HDAC9: variants seen among roughly 807,000 people sequenced by gnomAD.
HDAC9 encodes MEF-2 interacting transcription repressor (MITR) protein.
HDAC9 carries 41 observed loss-of-function variants against 139.4 expected under a neutral mutation model. The observed-to-expected ratio is 0.29, with a 90% CI of 0.23 to 0.38. The LOEUF (loss-of-function observed/expected upper bound fraction) is 0.38. Among genes scored for constraint, HDAC9 ranks in the 10% least tolerant of loss-of-function variants. HDAC9 has a pLI of 1.00. For missense variants in HDAC9, 1,147 were observed against 1,297.0 expected (o/e 0.88, Z 1.78); for synonymous variants, 517 against 476.2 (o/e 1.09, Z -1.12).
At chr7:18,870,197 A>G (rs1798809779) in intron 21 of HDAC9, among the ~76,000 whole-genome samples, 1 of 152,162 alleles carries the variant, frequency 6.6e-6, no homozygotes, top group Non-Finnish European at 1.5e-5. Context: ...CAGATTTTAT[A>G]TGGCACTGCA....
intron 16 of HDAC9, among the ~76,000 whole-genome samples, chr7:18,770,869 G>A (rs1351485556): frequency 6.6e-6 from 1 of 152,192 alleles, no homozygotes; most frequent in Non-Finnish European, 1.5e-5. Context: ...AGATCAGTGA[G>A]AAGCAAAGGG....
chr7:18,756,275 G>A (rs1448869202), intron 14 of HDAC9, among the ~76,000 whole-genome samples: 3 of 152,168 alleles, frequency 2.0e-5, no homozygotes, highest in Non-Finnish European at 4.4e-5. Context: ...AGTAACAGAA[G>A]TAAGCATTAA....
rs376133367 is a variant in HDAC9, at chr7:18,597,935, A to G, written c.664+3906A>G. Among the ~76,000 whole-genome samples, 10 of 152,292 alleles carry G rather than the reference A, an allele frequency of 6.6e-5. No homozygotes were observed. In the East Asian group the frequency reaches 1.2e-3, roughly 18 times the overall value. On this transcript the variant is annotated intron_variant, in intron 6 of 25. Transcript: ENST00000686413. ...ACTCAAAGATGGAAAGAGTCCAAACATAAGTGAAGGTTTTGGAAGGCCAGT... is the reference window on the plus strand; with the variant it reads ...ACTCAAAGATGGAAAGAGTCCAAACGTAAGTGAAGGTTTTGGAAGGCCAGT...
At chr7:18,197,760 C>G (rs1393970118) in intron 2 of HDAC9, among the ~76,000 whole-genome samples, 1 of 152,150 alleles carries the variant, frequency 6.6e-6, no homozygotes, top group Non-Finnish European at 1.5e-5. Flanking sequence ...TTTTCCCTAG[C>G]TTTAAGTGTT....
chr7:18,108,100 A>G (rs543102537), intron 1 of HDAC9, among the ~76,000 whole-genome samples: 1 of 152,348 alleles, frequency 6.6e-6, no homozygotes, highest in East Asian at 1.9e-4. Context: ...AATTAGCTAC[A>G]TGAGAAGCAA....
In HDAC9 at chr7:18,333,429, CTA is replaced by C. The variant is rs1334277603; in HGVS notation, c.-42+42916_-42+42917del. Among the ~76,000 whole-genome samples the C allele has an allele frequency of 1.2e-4, 18 of 151,600 alleles. No homozygotes were observed. The South Asian group carries it at 1.9e-3, about 16-fold the overall frequency. On this transcript the variant is annotated intron_variant, in intron 1 of 3. Transcript: ENST00000413509. ...TGCTCTTGTCACACACAAATAGTAA[CTA>C]TGTGAGATGATAGCTATGTTCATCT... is the stretch of plus-strand genomic sequence containing the variant.
intron 25 of HDAC9, 142 bp downstream of exon 25, chr7:18,976,095 G>A (rs1022278896): frequency 2.6e-6 from 2 of 758,082 alleles, no homozygotes; most frequent in Non-Finnish European, 4.3e-6. Context: ...AGATGCCACA[G>A]CACATGCTTT....
At chr7:18,092,193 C>A (rs1782204078) in intron 1 of HDAC9, among the ~76,000 whole-genome samples, 1 of 152,046 alleles carries the variant, frequency 6.6e-6, no homozygotes. Flanking sequence ...CAAGATCAGC[C>A]TGGGCAACAT....
chr7:18,163,211 C>T (rs1040132858), intron 2 of HDAC9, among the ~76,000 whole-genome samples: 4 of 152,110 alleles, frequency 2.6e-5, no homozygotes, highest in East Asian at 3.9e-4. Flanking sequence ...TTGGGAATTC[C>T]GCTGTTTCAT....
At chr7:18,635,213 C>A (rs969870555) in intron 8 of HDAC9, among the ~76,000 whole-genome samples, 1 of 151,668 alleles carries the variant, frequency 6.6e-6, no homozygotes, top group Non-Finnish European at 1.5e-5. Flanking sequence ...AAAAACAACT[C>A]GTACAGGCCT....
At chr7:18,504,718 C>G (rs1234962339) in intron 2 of HDAC9, among the ~76,000 whole-genome samples, 1 of 152,106 alleles carries the variant, frequency 6.6e-6, no homozygotes, top group African/African-American at 2.4e-5. Flanking sequence ...CTGTGTATCA[C>G]TTGATCATTT....
intron 2 of HDAC9, among the ~76,000 whole-genome samples, chr7:18,209,794 A>G (rs1007874803): frequency 1.3e-5 from 2 of 151,348 alleles, no homozygotes; most frequent in African/African-American, 4.9e-5. Flanking sequence ...TCCGCCTCCC[A>G]GTTTCACGCC....
At position 18,954,156 on chromosome 7, in the gene HDAC9, T is replaced by C; in HGVS notation, c.2948T>C (p.Leu983Pro). ...CTACTATTCTTGCAGCTGGAGCCAC[T>C]TGCAGAAGATATTCTCCACCAAAGC... The part of the protein sequence containing the change: ...NALLGNELEP[L>P]AEDILHQSPN... The change falls in exon 24 of 26, where the codon CTT (leucine) becomes CCT (proline). Residue 983 changes from leucine (L) to proline (P), a missense_variant. Leu to Pro is a moderately conservative substitution (Grantham distance 98). This residue lies in a region of HDAC9 where 407 missense variants were observed against 521.5 expected (regional missense o/e 0.78). Coordinates refer to ENST00000686413, the MANE Select transcript of HDAC9 (RefSeq NM_178425.4). 1 of 1,566,660 alleles carries C rather than the reference T, an allele frequency of 6.4e-7. No individual in the cohort carries two copies. Among genetic ancestry groups the C allele is most frequent in the Non-Finnish European group, 8.7e-7 (1 of 1,149,758 alleles).
chr7:18,179,002 A>G (rs1418084925), intron 2 of HDAC9, among the ~76,000 whole-genome samples: 1 of 152,194 alleles, frequency 6.6e-6, no homozygotes, highest in African/African-American at 2.4e-5. Flanking sequence ...TGGCTTCATT[A>G]TTTGACAGTG....
chr7:18,194,413 C>A (rs1172197714), intron 2 of HDAC9, among the ~76,000 whole-genome samples: 1 of 152,066 alleles, frequency 6.6e-6, no homozygotes, highest in Non-Finnish European at 1.5e-5. Flanking sequence ...ATCATTTTAA[C>A]ATATTTTGAG....
chr7:18,484,290 T>A (rs1280607676), intron 1 of HDAC9, among the ~76,000 whole-genome samples: 3 of 151,472 alleles, frequency 2.0e-5, no homozygotes, highest in Non-Finnish European at 4.4e-5. Flanking sequence ...GAGCTATGAT[T>A]ACACTACTGC....
chr7:18,991,451 C>G (rs1392866841), intron 25 of HDAC9, among the ~76,000 whole-genome samples: 1 of 152,138 alleles, frequency 6.6e-6, no homozygotes, highest in Non-Finnish European at 1.5e-5. Flanking sequence ...TCCTGGCTAA[C>G]ACGGTGAAAC....
chr7:18,961,975 G>T, intron 24 of HDAC9, among the ~76,000 whole-genome samples: 1 of 152,092 alleles, frequency 6.6e-6, no homozygotes, highest in Non-Finnish European at 1.5e-5. Context: ...CAAAATTTAA[G>T]TTAAGTTAAA....
intron 17 of HDAC9, among the ~76,000 whole-genome samples, chr7:18,812,548 G>A (rs142843116): frequency 1.1e-4 from 16 of 151,346 alleles, no homozygotes; most frequent in Middle Eastern, 3.4e-3. Context: ...ATTAGAAATC[G>A]GCTGTCATGC....
Sources: allele counts gnomAD v4.1 joint callset (sites outside exome capture counted in the v4.1 genomes callset), GRCh38; gene constraint gnomAD v4.1.1; regional missense constraint gnomAD v4.1.1; transcripts MANE v1.5; gene names NCBI Gene and HGNC (gene_info 2026-07-23, HGNC 2026-07-21).